Variants in MAPKAPK5 observed in about 807,000 individuals in gnomAD.
MAPKAPK5 encodes the protein MAP kinase-activated protein kinase 5.
MAPKAPK5 carries 30 observed loss-of-function variants against 65.1 expected under a neutral mutation model. The ratio of observed to expected loss-of-function variants is 0.46; its 90% confidence interval spans 0.34 to 0.63. MAPKAPK5 has a LOEUF of 0.63. Ranked by LOEUF, MAPKAPK5 falls within the 20% of genes least tolerant of loss-of-function variation. MAPKAPK5 has a pLI of 0.01. For missense variants in MAPKAPK5, 433 were observed against 581.4 expected, an observed-to-expected ratio of 0.74 and a Z score of 2.63; for synonymous variants, 179 against 204.6, an observed-to-expected ratio of 0.87 and a Z score of 1.07.
chr12:111,878,209 A>G (rs1415328614), intron 7 of MAPKAPK5, among the ~76,000 whole-genome samples: 1 of 151,888 alleles, frequency 6.6e-6, no homozygotes, highest in African/African-American at 2.4e-5. Flanking sequence ...TTGGTTTCCT[A>G]TGTTGAAAAT....
intron 7 of MAPKAPK5, among the ~76,000 whole-genome samples, chr12:111,877,680 T>A (rs1453695426): frequency 6.6e-6 from 1 of 152,144 alleles, no homozygotes; most frequent in East Asian, 1.9e-4. Context: ...AGATATGAAT[T>A]CCTTTCTTTT....
At chr12:111,865,931 AC>A (rs1179373507) in intron 2 of MAPKAPK5, among the ~76,000 whole-genome samples, 7 of 150,082 alleles carry the variant, frequency 4.7e-5, no homozygotes, top group African/African-American at 1.5e-4. Context: ...TCATTGACCC[AC>A]AGCCCCAAAA....
intron 13 of MAPKAPK5, among the ~76,000 whole-genome samples, chr12:111,891,378 A>G (rs1042753054): frequency 2.6e-5 from 4 of 151,810 alleles, no homozygotes; most frequent in Non-Finnish European, 4.4e-5. Context: ...CTGGGATTAC[A>G]GGTGTGAGCC....
At chr12:111,888,818 TA>T in intron 11 of MAPKAPK5, 66 bp from the exon 12 acceptor site, 1 of 1,580,282 alleles carries the variant, frequency 6.3e-7, no homozygotes, top group African/African-American at 1.3e-5. Flanking sequence ...TGTTTAGAGG[TA>T]ATATCTGTCC....
At chr12:111,877,997 T>C (rs1432121547) in intron 7 of MAPKAPK5, among the ~76,000 whole-genome samples, 2 of 148,564 alleles carry the variant, frequency 1.3e-5, no homozygotes, top group Non-Finnish European at 3.0e-5. Context: ...CAGCTGACTC[T>C]GACTCTTTTT....
intron 11 of MAPKAPK5, 115 bp from the exon 12 acceptor site, chr12:111,888,770 G>T: frequency 1.3e-6 from 2 of 1,508,996 alleles, no homozygotes. Context: ...TCAGGAGTTG[G>T]ACACTATTGT....
intron 7 of MAPKAPK5, chr12:111,880,197 GAAGAA>G (rs2136134775): frequency 2.0e-6 from 1 of 494,738 alleles, no homozygotes; most frequent in East Asian, 3.6e-5. Flanking sequence ...TGATGGGCAG[GAAGAA>G]GAGAGGAATC....
At position 111,858,409 on chromosome 12, in the gene MAPKAPK5, G is replaced by A. The variant is rs138910224; in HGVS notation, c.37-6841G>A. Among the ~76,000 whole-genome samples, 21 of 151,994 alleles carry A rather than the reference G, an allele frequency of 1.4e-4. 1 individual carries two copies. Among genetic ancestry groups the A allele is most frequent in the South Asian group, 4.2e-4 (2 of 4,806 alleles). Reference sequence around the variant, plus strand: ...TCTCCCATTACACATATGTTGGAACGCTTGACATTATTCTACAGGTCTCAT... The same window carrying A: ...TCTCCCATTACACATATGTTGGAACACTTGACATTATTCTACAGGTCTCAT... On this transcript the variant is annotated intron_variant, in intron 1 of 13. Transcript: ENST00000550735.
chr12:111,860,300 G>A (rs529737679), intron 1 of MAPKAPK5, among the ~76,000 whole-genome samples: 1 of 152,246 alleles, frequency 6.6e-6, no homozygotes, highest in Non-Finnish European at 1.5e-5. Context: ...CTAAAAAATT[G>A]CTGCTGGCTC....
intron 6 of MAPKAPK5, 104 bp downstream of exon 6, chr12:111,870,464 C>A: frequency 1.3e-6 from 1 of 797,714 alleles, no homozygotes; most frequent in Non-Finnish European, 2.0e-6. Context: ...AGCTTTAAGC[C>A]AAAGTGCTTC....
chr12:111,871,703 C>T (rs567976065), intron 7 of MAPKAPK5, among the ~76,000 whole-genome samples: 1 of 152,226 alleles, frequency 6.6e-6, no homozygotes, highest in Admixed American at 6.5e-5. Context: ...GTATGATTTA[C>T]ATACAGTAAA....
rs567042577 is a variant in MAPKAPK5 at position 111,899,961 on chromosome 12, G to A, written c.*6900G>A. 3.0e-4 allele frequency: 136 copies of A among 456,104 alleles called. No homozygotes were observed. Among genetic ancestry groups the A allele is most frequent in the African/African-American group, 2.1e-3 (105 of 50,202 alleles). 28.3% of individuals were successfully genotyped at this position (456,104 alleles called of 1,614,324 possible). A position where few individuals can be genotyped will look rare whatever the true frequency, so the allele number is the denominator to read the frequency against. ...CTACTTGTGGTCACACAAAAAGTACGTGGAGATGTTTGTCGTGGTCAACAA... is the reference window on the plus strand; with the variant it reads ...CTACTTGTGGTCACACAAAAAGTACATGGAGATGTTTGTCGTGGTCAACAA... On this transcript the variant is annotated 3_prime_UTR_variant, in exon 14 of 14. Transcript: ENST00000550735.
intron 7 of MAPKAPK5, chr12:111,879,469 A>G (rs1481989959): frequency 6.7e-6 from 1 of 148,840 alleles, no homozygotes; most frequent in Non-Finnish European, 1.5e-5. Flanking sequence ...GGCTCACCAC[A>G]ACCTCCACCT....
intron 11 of MAPKAPK5, 93 bp from the exon 12 acceptor site, chr12:111,888,792 T>TA (rs1442173392): frequency 2.0e-6 from 3 of 1,532,122 alleles, no homozygotes; most frequent in Non-Finnish European, 2.6e-6. Flanking sequence ...ATTTTTCTGA[T>TA]ACATCTGTTG....
intron 1 of MAPKAPK5, among the ~76,000 whole-genome samples, chr12:111,851,843 G>C (rs1566226029): frequency 6.6e-6 from 1 of 152,174 alleles, no homozygotes; most frequent in Non-Finnish European, 1.5e-5. Flanking sequence ...ATTTATGACA[G>C]AGCTGGTTAA....
chr12:111,863,274 A>G (rs2069502327), intron 1 of MAPKAPK5, among the ~76,000 whole-genome samples: 1 of 152,186 alleles, frequency 6.6e-6, no homozygotes, highest in Admixed American at 6.5e-5. Flanking sequence ...TCCTAACTCA[A>G]TATCCCTTCA....
At position 111,842,547 on chromosome 12, in the gene MAPKAPK5, C is replaced by T. The variant is rs903336253; in HGVS notation, c.-187C>T. On this transcript the variant is annotated 5_prime_UTR_variant, in exon 1 of 14. Transcript: ENST00000550735. ...CCTCCGCCGCTGCTGCTGCCGCCAGCCTAGAGCCGCCCGCCGAAGCAGAGC... is the reference window on the plus strand; with the variant it reads ...CCTCCGCCGCTGCTGCTGCCGCCAGTCTAGAGCCGCCCGCCGAAGCAGAGC... 1.1e-5 allele frequency: 4 copies of T among 374,868 alleles called. No individual in the cohort carries two copies. Among genetic ancestry groups the T allele is most frequent in the African/African-American group, 8.4e-5 (4 of 47,404 alleles). 23.2% of individuals were successfully genotyped at this position (374,868 alleles called of 1,614,324 possible). A position where few individuals can be genotyped will look rare whatever the true frequency, so the allele number is the denominator to read the frequency against.
intron 9 of MAPKAPK5, 199 bp from the exon 10 acceptor site, chr12:111,885,717 A>C (rs1264899772): frequency 1.8e-6 from 1 of 548,750 alleles, no homozygotes; most frequent in African/African-American, 1.9e-5. Context: ...CACTTTTTCC[A>C]GTATACAAAG....
At chr12:111,850,445 G>A (rs1261914197) in intron 1 of MAPKAPK5, among the ~76,000 whole-genome samples, 1 of 152,152 alleles carries the variant, frequency 6.6e-6, no homozygotes, top group Non-Finnish European at 1.5e-5. Flanking sequence ...TGTCTTAAAA[G>A]GAAGGTAAAG....
Sources: allele counts gnomAD v4.1 joint callset (sites outside exome capture counted in the v4.1 genomes callset), GRCh38; gene constraint gnomAD v4.1.1; transcripts MANE v1.5; gene names NCBI Gene and HGNC (gene_info 2026-07-23, HGNC 2026-07-21).